MYOF: variants seen among roughly 807,000 people sequenced by gnomAD.
MYOF encodes the protein fer-1-like 3, myoferlin.
Under a neutral mutation model 284.2 loss-of-function variants are expected in MYOF, and 244 were observed. The ratio of observed to expected loss-of-function variants is 0.86; its 90% confidence interval spans 0.77 to 0.95. The LOEUF (loss-of-function observed/expected upper bound fraction) is 0.95. MYOF is among the 40% of genes least tolerant of loss of function. The pLI, the probability that MYOF is intolerant of heterozygous loss-of-function variation, is 0.00. For missense variants in MYOF, 2,496 were observed against 2,560.6 expected (o/e 0.97, Z 0.54); for synonymous variants, 904 against 919.7 (o/e 0.98, Z 0.31).
At chr10:93,443,913 C>T (rs7075356) in intron 3 of MYOF, among the ~76,000 whole-genome samples, 33,638 of 152,102 alleles carry the variant, frequency 0.22, 4,383 homozygotes, top group Middle Eastern at 0.33. Context: ...ATCAGTAGAG[C>T]TGGGTCTCTA....
chr10:93,454,428 T>G lies in MYOF; in HGVS notation c.145-2287A>C, dbSNP rs1005148002. 4.6e-5 allele frequency among the ~76,000 whole-genome samples: 7 copies of G among 152,304 alleles called. No individual in the cohort carries two copies. The East Asian group carries it at 1.4e-3, about 29-fold the overall frequency. ...CTCTGCCATTGGTCACGTGGCTTGA[T>G]CTCAATCTCAAATTTGAAGAGATGA... On this transcript the variant is annotated intron_variant, in intron 2 of 53. Coordinates refer to ENST00000359263, the MANE Select transcript of MYOF (RefSeq NM_013451.4).
chr10:93,452,986 C>T (rs1317569782), intron 2 of MYOF, among the ~76,000 whole-genome samples: 2 of 152,084 alleles, frequency 1.3e-5, no homozygotes, highest in Admixed American at 6.6e-5. Flanking sequence ...TAAAGCGTCA[C>T]TGATGCCTTT....
intron 3 of MYOF, among the ~76,000 whole-genome samples, chr10:93,434,239 T>C (rs947653603): frequency 6.6e-6 from 1 of 152,074 alleles, no homozygotes; most frequent in African/African-American, 2.4e-5. Flanking sequence ...AAGACCAGCC[T>C]GGCCAACATG....
chr10:93,353,727 T>C lies in MYOF; in HGVS notation c.3481+84A>G, dbSNP rs973509369. The C allele has an allele frequency of 1.5e-5, 17 of 1,151,870 alleles. No homozygotes were observed. The African/African-American group carries it at 2.2e-4, about 15-fold the overall frequency. 71.4% of individuals were successfully genotyped at this position (1,151,870 alleles called of 1,614,324 possible). A position where few individuals can be genotyped will look rare whatever the true frequency, so the allele number is the denominator to read the frequency against. ...TGTAAAGGGTTTTTGTTGTTAGAAATGACAAAAAGCATTCACTCGAAACAC... is the reference window on the plus strand; with the variant it reads ...TGTAAAGGGTTTTTGTTGTTAGAAACGACAAAAAGCATTCACTCGAAACAC... On this transcript the variant is annotated intron_variant, in intron 32 of 53. Coordinates refer to ENST00000359263, the MANE Select transcript of MYOF (RefSeq NM_013451.4).
intron 3 of MYOF, among the ~76,000 whole-genome samples, chr10:93,441,904 T>C (rs2056272979): frequency 6.6e-6 from 1 of 151,646 alleles, no homozygotes; most frequent in African/African-American, 2.4e-5. Flanking sequence ...GTCTTTTCCT[T>C]TTTTTATTTA....
At chr10:93,383,853 T>C (rs1589477076) in intron 19 of MYOF, among the ~76,000 whole-genome samples, 1 of 151,798 alleles carries the variant, frequency 6.6e-6, no homozygotes, top group African/African-American at 2.4e-5. Flanking sequence ...GGCTTGGAGG[T>C]GGGGTGGGAA....
At position 93,451,918 on chromosome 10, in the gene MYOF, C is replaced by T. The variant is rs141846916; in HGVS notation, c.236+132G>A. ...CATCTGCTATTGGCTTAGAAGGGAG[C>T]GGGGCATGGAATTAAAGCACATTTA... On this transcript the variant is annotated intron_variant, in intron 3 of 53. Coordinates refer to ENST00000359263, the MANE Select transcript of MYOF (RefSeq NM_013451.4). The T allele has an allele frequency of 3.4e-4, 244 of 713,316 alleles. 1 individual carries two copies. The African/African-American group carries it at 3.6e-3, about 10-fold the overall frequency. The allele number at this position is 713,316 out of a possible 1,614,324, so 44.2% of individuals were successfully genotyped here. A position where few individuals can be genotyped will look rare whatever the true frequency, so the allele number is the denominator to read the frequency against.
intron 28 of MYOF, 147 bp downstream of exon 28, chr10:93,361,305 A>G: frequency 7.1e-6 from 5 of 701,784 alleles, no homozygotes; most frequent in Non-Finnish European, 1.2e-5. Flanking sequence ...CTAAAAGGCC[A>G]TGAACTGGTA....
chr10:93,314,586 C>A (rs540737235), intron 50 of MYOF, among the ~76,000 whole-genome samples: 1 of 152,212 alleles, frequency 6.6e-6, no homozygotes, highest in Non-Finnish European at 1.5e-5. Context: ...TTTAAACTGT[C>A]AGGCTCAGGG....
intron 5 of MYOF, among the ~76,000 whole-genome samples, chr10:93,412,638 C>G (rs968470724): frequency 1.3e-5 from 2 of 152,200 alleles, no homozygotes; most frequent in South Asian, 2.1e-4. Context: ...CCCCTACTCC[C>G]AGGCATTTCA....
chr10:93,424,218 G>T (rs78654564), intron 5 of MYOF, among the ~76,000 whole-genome samples: 2,922 of 152,338 alleles, frequency 0.019, 78 homozygotes, highest in African/African-American at 0.067. Context: ...AGAAACGACA[G>T]TATGAAGAAA....
At chr10:93,443,300 G>T (rs775075874) in intron 3 of MYOF, among the ~76,000 whole-genome samples, 4 of 152,160 alleles carry the variant, frequency 2.6e-5, no homozygotes, top group Admixed American at 6.5e-5. Flanking sequence ...GAATTACAAG[G>T]TGTTTCCCCC....
chr10:93,307,625 ATT>A (rs141377552), intron 53 of MYOF, among the ~76,000 whole-genome samples: 22 of 128,620 alleles, frequency 1.7e-4, no homozygotes, highest in South Asian at 5.1e-4. Context: ...AACCAATAGA[ATT>A]TTTTTTTTTT....
chr10:93,322,248 T>A (rs1842872869), intron 48 of MYOF, among the ~76,000 whole-genome samples: 1 of 152,176 alleles, frequency 6.6e-6, no homozygotes, highest in Non-Finnish European at 1.5e-5. Context: ...ATGTCGCAAG[T>A]CTTATCTTTC....
chr10:93,448,687 G>T (rs918041287), intron 3 of MYOF, among the ~76,000 whole-genome samples: 1 of 152,162 alleles, frequency 6.6e-6, no homozygotes, highest in Admixed American at 6.6e-5. Flanking sequence ...AAGATCTGAG[G>T]ACAGACTGGA....
At chr10:93,346,789 T>C (rs894243880) in intron 37 of MYOF, among the ~76,000 whole-genome samples, 2 of 152,188 alleles carry the variant, frequency 1.3e-5, no homozygotes, top group African/African-American at 2.4e-5. Context: ...TTGCCTTCCC[T>C]GCTGGACTTT....
chr10:93,328,950 C>A, intron 44 of MYOF, 39 bp from the exon 45 acceptor site: 1 of 1,561,640 alleles, frequency 6.4e-7, no homozygotes, highest in Non-Finnish European at 8.7e-7. Context: ...TACGGAGGAG[C>A]CTGCAGGTTC....
chr10:93,473,106 C>T (rs144641155), intron 1 of MYOF, among the ~76,000 whole-genome samples: 15 of 152,280 alleles, frequency 9.9e-5, no homozygotes, highest in Non-Finnish European at 1.3e-4. Flanking sequence ...ATTAATTTTT[C>T]GAATCCAAAG....
chr10:93,401,623 A>G, intron 11 of MYOF, 79 bp from the exon 12 acceptor site: 1 of 1,543,296 alleles, frequency 6.5e-7, no homozygotes, highest in South Asian at 1.2e-5. Context: ...TTATAAAATG[A>G]AACCATTCAG....
Sources: allele counts gnomAD v4.1 joint callset (sites outside exome capture counted in the v4.1 genomes callset), GRCh38; gene constraint gnomAD v4.1.1; transcripts MANE v1.5; gene names NCBI Gene and HGNC (gene_info 2026-07-23, HGNC 2026-07-21).